PRKDC: variants seen among roughly 807,000 people sequenced by gnomAD.
PRKDC encodes the protein protein kinase, DNA-activated, catalytic subunit.
A neutral mutation model predicts 486.9 loss-of-function variants in PRKDC; 82 were observed. The ratio of observed to expected loss-of-function variants is 0.17; its 90% CI spans 0.14 to 0.20. The LOEUF (loss-of-function observed/expected upper bound fraction) is 0.20, where lower values mean the gene tolerates loss of function less well. Among genes scored for constraint, PRKDC ranks in the 10% least tolerant of loss-of-function variants. The probability of loss-of-function intolerance (pLI) is 1.00; values close to 1 mark genes in which losing one functional copy is unlikely to be tolerated. For synonymous variants in PRKDC, 1,895 were observed against 1,837.0 expected (o/e 1.03, Z -0.81); for missense variants, 4,504 against 5,038.2 (o/e 0.89, Z 3.21).
At position 47,788,793 on chromosome 8, in the gene PRKDC, G is replaced by C. The variant is rs541751456; in HGVS notation, c.10902+113C>G. ...GCATTCAACAGACATTTTAAATGCA[G>C]AACTGTTAAATTAATGATTACATTT... On this transcript the variant is annotated intron_variant, in intron 76 of 85. Coordinates refer to ENST00000314191, the MANE Select transcript of PRKDC (RefSeq NM_006904.7). 5.5e-6 allele frequency: 6 copies of C among 1,081,376 alleles called. No individual in the cohort carries two copies. In the Admixed American group the frequency reaches 1.8e-4, roughly 32 times the overall value. The allele number at this position is 1,081,376 out of a possible 1,614,324, so 67.0% of individuals were successfully genotyped here. A position where few individuals can be genotyped will look rare whatever the true frequency, so the allele number is the denominator to read the frequency against.
At chr8:47,838,258 G>T (rs906220271) in intron 56 of PRKDC, among the ~76,000 whole-genome samples, 2 of 152,142 alleles carry the variant, frequency 1.3e-5, no homozygotes, top group Non-Finnish European at 2.9e-5. Context: ...GAAGCTCAAT[G>T]AATTTAAAAT....
At chr8:47,894,565 C>G (rs575628468) in intron 30 of PRKDC, among the ~76,000 whole-genome samples, 2 of 152,230 alleles carry the variant, frequency 1.3e-5, no homozygotes, top group African/African-American at 4.8e-5. Flanking sequence ...CTACTTCTTC[C>G]TTGGTCTCCA....
intron 50 of PRKDC, among the ~76,000 whole-genome samples, chr8:47,854,944 A>G (rs926604490): frequency 6.6e-6 from 1 of 151,704 alleles, no homozygotes; most frequent in African/African-American, 2.4e-5. Flanking sequence ...AATCCTACCT[A>G]CCTCCCACCA....
Position 47,887,791 on chromosome 8 carries a change from C to T in PRKDC, c.4414-86G>A, listed in dbSNP as rs561094945. ...TCACTCCTCTCATTAAATAAAAAAC[C>T]CACTTCAGATAGCACTGACAACTAC... On this transcript the variant is annotated intron_variant, in intron 34 of 85. Coordinates refer to ENST00000314191, the MANE Select transcript of PRKDC (RefSeq NM_006904.7). 11 of 1,388,010 alleles carry T rather than the reference C, an allele frequency of 7.9e-6. No homozygotes were observed. The South Asian group carries it at 1.4e-4, about 17-fold the overall frequency. 86.0% of individuals were successfully genotyped at this position (1,388,010 alleles called of 1,614,324 possible).
chr8:47,815,099 G>A (rs146588689), intron 68 of PRKDC, among the ~76,000 whole-genome samples: 31 of 152,268 alleles, frequency 2.0e-4, no homozygotes, highest in African/African-American at 6.7e-4. Context: ...CTGGGAGGCT[G>A]AGACTGCAAT....
chr8:47,900,595 C>T (rs765342255), intron 27 of PRKDC, 128 bp from the exon 28 acceptor site: 4 of 739,174 alleles, frequency 5.4e-6, no homozygotes, highest in Middle Eastern at 3.1e-4. Context: ...GGTGCGGTGG[C>T]TCACGCCTGT....
intron 78 of PRKDC, among the ~76,000 whole-genome samples, chr8:47,783,192 C>T (rs1401280084): frequency 6.6e-6 from 1 of 150,628 alleles, no homozygotes; most frequent in East Asian, 2.0e-4. Context: ...CATGGAGAAT[C>T]GCCCGAACCC....
At chr8:47,858,233 G>A (rs769841994) in intron 48 of PRKDC, among the ~76,000 whole-genome samples, 1 of 150,576 alleles carries the variant, frequency 6.6e-6, no homozygotes, top group Admixed American at 6.6e-5. Context: ...AACGTTGGCA[G>A]CCGTAAGAAA....
chr8:47,936,228 T>C (rs2090348982), intron 12 of PRKDC, 125 bp downstream of exon 12: 1 of 1,082,892 alleles, frequency 9.2e-7, no homozygotes, highest in Non-Finnish European at 1.3e-6. Flanking sequence ...TGCCACAAAG[T>C]ACTAACTAAA....
intron 25 of PRKDC, among the ~76,000 whole-genome samples, chr8:47,905,729 G>C (rs1177564469): frequency 6.6e-6 from 1 of 152,292 alleles, no homozygotes; most frequent in South Asian, 2.1e-4. Context: ...CTGCCAAAAG[G>C]AGGGAGGAAA....
At position 47,839,131 on chromosome 8, in the gene PRKDC, C is replaced by A; in HGVS notation, c.7553+17G>T. On this transcript the variant is annotated intron_variant, in intron 56 of 85. Transcript: ENST00000314191. ...TACCCTTAACATTTAATTGTCCCAG[C>A]CCAGTTATTCACGTACTGAAGTCCA... 1.3e-6 allele frequency: 2 copies of A among 1,581,516 alleles called. No homozygotes were observed. The highest frequency in any genetic ancestry group is 1.7e-6 in the Non-Finnish European group (2 of 1,150,568).
At chr8:47,947,858 A>C (rs902465881) in intron 7 of PRKDC, among the ~76,000 whole-genome samples, 1 of 152,130 alleles carries the variant, frequency 6.6e-6, no homozygotes, top group African/African-American at 2.4e-5. Flanking sequence ...CAGTGAGCCA[A>C]GATCGCGCCA....
intron 28 of PRKDC, 75 bp downstream of exon 28, chr8:47,900,298 C>T: frequency 1.9e-6 from 2 of 1,032,836 alleles, no homozygotes; most frequent in South Asian, 6.0e-5. Context: ...ATAAGAGAAT[C>T]ACACGAGCCT....
intron 35 of PRKDC, 76 bp from the exon 36 acceptor site, chr8:47,886,223 T>C (rs2089327378): frequency 8.0e-7 from 1 of 1,244,530 alleles, no homozygotes; most frequent in Non-Finnish European, 1.1e-6. Flanking sequence ...GGGCAACTGA[T>C]AACTTTGAAA....
intron 83 of PRKDC, among the ~76,000 whole-genome samples, 161 bp from the exon 84 acceptor site, chr8:47,778,035 G>C (rs186600725): frequency 6.6e-6 from 1 of 152,132 alleles, no homozygotes; most frequent in African/African-American, 2.4e-5. Flanking sequence ...TCCTATGCTC[G>C]AGAGTAACCC....
At chr8:47,795,817 T>G (rs2086974518) in intron 73 of PRKDC, among the ~76,000 whole-genome samples, 2 of 151,166 alleles carry the variant, frequency 1.3e-5, no homozygotes, top group Non-Finnish European at 2.9e-5. Flanking sequence ...CTCTTTGTGC[T>G]ATATACCTGT....
chr8:47,821,044 A>C (rs1229859895), intron 65 of PRKDC, 101 bp from the exon 66 acceptor site: 4 of 715,552 alleles, frequency 5.6e-6, no homozygotes, highest in Non-Finnish European at 8.2e-6. Flanking sequence ...TCACAGGTCA[A>C]GATTTAAAGT....
chr8:47,902,832 T>C (rs1350508842), intron 26 of PRKDC, 37 bp from the exon 27 acceptor site: 4 of 1,504,814 alleles, frequency 2.7e-6, no homozygotes, highest in Non-Finnish European at 3.6e-6. Context: ...TGTACTAATT[T>C]TTATAACCAC....
intron 29 of PRKDC, among the ~76,000 whole-genome samples, chr8:47,898,148 T>C (rs1457663988): frequency 6.6e-6 from 1 of 152,250 alleles, no homozygotes; most frequent in Non-Finnish European, 1.5e-5. Flanking sequence ...GGTTCATGCA[T>C]ATTCTAGTCA....
Sources: gnomAD v4.1 joint callset for allele counts (sites outside exome capture counted in the v4.1 genomes callset) on GRCh38, gnomAD v4.1.1 for gene constraint, MANE v1.5 for transcripts, NCBI Gene and HGNC (gene_info 2026-07-23, HGNC 2026-07-21) for gene names.